RNF115: variants seen among roughly 807,000 people sequenced by gnomAD.
RNF115 encodes the protein ring finger protein 115.
In RNF115, 31 loss-of-function variants were observed where a neutral mutation model predicts 39.2. That is an observed-to-expected ratio of 0.79 (90% CI 0.59 to 1.07). The LOEUF (loss-of-function observed/expected upper bound fraction) is 1.07. RNF115 is among the 50% of genes least tolerant of loss of function. The pLI is 0.00. For synonymous variants in RNF115, 124 were observed against 131.0 expected, an observed-to-expected ratio of 0.95 and a Z score of 0.37; for missense variants, 384 against 381.7, an observed-to-expected ratio of 1.01 and a Z score of -0.05.
intron 1 of RNF115, among the ~76,000 whole-genome samples, chr1:145,810,760 CT>C (rs1204955817): frequency 1.4e-5 from 2 of 142,010 alleles, no homozygotes; most frequent in Admixed American, 7.1e-5. Context: ...CTCAAACTTC[CT>C]TATGAATAGT....
rs781957338 is a variant in RNF115 at position 145,742,149 on chromosome 1, G to A, written c.*4717C>T. The A allele has an allele frequency of 1.3e-5, 2 of 151,986 alleles. No individual in the cohort carries two copies. Among genetic ancestry groups the A allele is most frequent in the Admixed American group, 6.6e-5 (1 of 15,258 alleles). The allele number at this position is 151,986 out of a possible 1,614,324, so 9.4% of individuals were successfully genotyped here. On this transcript the variant is annotated 3_prime_UTR_variant, in exon 9 of 9. Coordinates refer to ENST00000582693, the MANE Select transcript of RNF115 (RefSeq NM_014455.4). ...TGTCTTCCACTTCTTAAACCCCAAAGCTGTTTTGTTGTTGTTGTCATTTAA... is the reference window on the plus strand; with the variant it reads ...TGTCTTCCACTTCTTAAACCCCAAAACTGTTTTGTTGTTGTTGTCATTTAA...
rs1657815496 is a variant in RNF115, at chr1:145,744,917, G to C, written c.*1949C>G. 1 of 152,166 alleles carries C rather than the reference G, an allele frequency of 6.6e-6. No homozygotes were observed. Among genetic ancestry groups the C allele is most frequent in the Admixed American group, 6.5e-5 (1 of 15,268 alleles). 9.4% of individuals were successfully genotyped at this position (152,166 alleles called of 1,614,324 possible). Reference sequence around the variant, plus strand: ...AGAGCATGTGCATGGGACACTACTAGGCTGAAAAAATAAGGCCTACCTCTT... The same window carrying C: ...AGAGCATGTGCATGGGACACTACTACGCTGAAAAAATAAGGCCTACCTCTT... On this transcript the variant is annotated 3_prime_UTR_variant, in exon 9 of 9. Transcript: ENST00000582693.
At chr1:145,800,890 A>C (rs1425486339) in intron 1 of RNF115, among the ~76,000 whole-genome samples, 4 of 152,048 alleles carry the variant, frequency 2.6e-5, no homozygotes, top group Non-Finnish European at 4.4e-5. Context: ...GAGCTTTAGG[A>C]CGGGCGCAGT....
chr1:145,813,981 C>A (rs1457291688), intron 1 of RNF115, among the ~76,000 whole-genome samples: 1 of 136,220 alleles, frequency 7.3e-6, no homozygotes, highest in Non-Finnish European at 1.6e-5. Flanking sequence ...TTCCAAAAAT[C>A]AAAAATGTCT....
intron 7 of RNF115, 53 bp from the exon 8 acceptor site, chr1:145,748,163 A>G (rs2101452815): frequency 7.9e-7 from 1 of 1,266,840 alleles, no homozygotes; most frequent in Non-Finnish European, 1.2e-6. Context: ...GAAAGAAGAA[A>G]AAACTAACCC....
chr1:145,764,195 C>T (rs587750767), intron 4 of RNF115, among the ~76,000 whole-genome samples: 8 of 152,340 alleles, frequency 5.3e-5, no homozygotes, highest in African/African-American at 1.7e-4. Flanking sequence ...GGATTGCAGA[C>T]GGAGTCTTGT....
At chr1:145,797,369 G>T (rs1222771653) in intron 1 of RNF115, among the ~76,000 whole-genome samples, 2 of 152,078 alleles carry the variant, frequency 1.3e-5, no homozygotes, top group Non-Finnish European at 2.9e-5. Context: ...CACATCCCTG[G>T]TGTTTCAGTA....
intron 1 of RNF115, among the ~76,000 whole-genome samples, chr1:145,811,313 C>T (rs3118887): frequency 6.3e-5 from 9 of 142,342 alleles, no homozygotes; most frequent in Admixed American, 2.2e-4. Context: ...TTGAGCCTAA[C>T]TCAAAACCAG....
At chr1:145,791,505 T>A (rs1553718970) in intron 1 of RNF115, among the ~76,000 whole-genome samples, 1 of 134,674 alleles carries the variant, frequency 7.4e-6, no homozygotes. Flanking sequence ...AGAGCGAAAC[T>A]CCACCTCAAA....
chr1:145,759,372 AT>A (rs1185488389), intron 4 of RNF115, among the ~76,000 whole-genome samples: 1 of 151,986 alleles, frequency 6.6e-6, no homozygotes, highest in African/African-American at 2.4e-5. Flanking sequence ...ACTCTTAAAT[AT>A]TTTCCTCCAA....
intron 1 of RNF115, among the ~76,000 whole-genome samples, chr1:145,799,783 T>G (rs587610130): frequency 1.3e-5 from 2 of 152,090 alleles, no homozygotes; most frequent in Non-Finnish European, 2.9e-5. Context: ...TTGCAGAGAT[T>G]AGGTCTCACT....
intron 3 of RNF115, among the ~76,000 whole-genome samples, chr1:145,777,322 A>C (rs1553716706): frequency 1.3e-5 from 2 of 152,222 alleles, no homozygotes; most frequent in African/African-American, 4.8e-5. Context: ...AGATGACTAT[A>C]AATTGTTACC....
intron 1 of RNF115, among the ~76,000 whole-genome samples, chr1:145,795,339 C>A (rs1362266644): frequency 6.6e-6 from 1 of 152,090 alleles, no homozygotes; most frequent in Non-Finnish European, 1.5e-5. Context: ...ACAAAGCTTC[C>A]ACAACGCGGA....
Position 145,824,014 on chromosome 1 carries a change from G to T in RNF115, c.-141C>A. On this transcript the variant is annotated 5_prime_UTR_variant, in exon 1 of 9. Coordinates refer to ENST00000582693, the MANE Select transcript of RNF115 (RefSeq NM_014455.4). ...AGAGCCCGCGTCGGTCACGTGAGTT[G>T]GCCAGGCCCAGAAACGCGGCGGCGC... 1.7e-6 allele frequency: 1 copy of T among 578,186 alleles called. No individual in the cohort carries two copies. Among genetic ancestry groups the T allele is most frequent in the Non-Finnish European group, 2.8e-6 (1 of 358,732 alleles). The allele number at this position is 578,186 out of a possible 1,614,324, so 35.8% of individuals were successfully genotyped here. A position where few individuals can be genotyped will look rare whatever the true frequency, so the allele number is the denominator to read the frequency against.
intron 8 of RNF115, among the ~76,000 whole-genome samples, 167 bp downstream of exon 8, chr1:145,747,828 G>A (rs1657930404): frequency 6.6e-6 from 1 of 152,160 alleles, no homozygotes; most frequent in Non-Finnish European, 1.5e-5. Context: ...ATGACCTGTA[G>A]AACATAGTTT....
At chr1:145,767,130 C>G (rs1461880684) in intron 4 of RNF115, among the ~76,000 whole-genome samples, 3 of 151,610 alleles carry the variant, frequency 2.0e-5, no homozygotes, top group African/African-American at 7.3e-5. Flanking sequence ...CTCCTCACTT[C>G]TCAGACGGGG....
At chr1:145,776,183 GAGA>G (rs1309970222) in intron 3 of RNF115, among the ~76,000 whole-genome samples, 1 of 34,006 alleles carries the variant, frequency 2.9e-5, no homozygotes, top group African/African-American at 1.5e-4. Context: ...TTTTTTTTTT[GAGA>G]AGGAGTCTCG....
At chr1:145,748,989 C>T (rs1347353266) in intron 7 of RNF115, among the ~76,000 whole-genome samples, 3 of 152,118 alleles carry the variant, frequency 2.0e-5, no homozygotes, top group South Asian at 2.1e-4. Flanking sequence ...ACTGCAAAGT[C>T]GAAGTCTAGC....
chr1:145,772,766 T>C (rs1647699949), intron 3 of RNF115: 1 of 152,244 alleles, frequency 6.6e-6, no homozygotes, highest in African/African-American at 2.4e-5. Context: ...TATATTCATG[T>C]CTTGTCAAAT....
Sources: gnomAD v4.1 joint callset for allele counts (sites outside exome capture counted in the v4.1 genomes callset) on GRCh38, gnomAD v4.1.1 for gene constraint, MANE v1.5 for transcripts, NCBI Gene and HGNC (gene_info 2026-07-23, HGNC 2026-07-21) for gene names.